The following TMEM196 variants were observed in gnomAD, a reference collection of about 807,000 sequenced individuals.
TMEM196 encodes transmembrane protein 196.
Under a neutral mutation model 20.0 loss-of-function variants are expected in TMEM196, and 17 were observed. The observed-to-expected ratio is 0.85, with a 90% confidence interval of 0.58 to 1.27. TMEM196 has a LOEUF of 1.27. Ranked by LOEUF, TMEM196 falls within the 50% of genes most tolerant of loss-of-function variation. TMEM196 has a pLI of 0.00. For missense variants in TMEM196, 267 were observed against 223.0 expected (o/e 1.20, Z -1.26); for synonymous variants, 113 against 88.9 (o/e 1.27, Z -1.52).
intron 4 of TMEM196, among the ~76,000 whole-genome samples, chr7:19,723,824 C>A (rs1480578775): frequency 1.3e-5 from 2 of 152,144 alleles, no homozygotes; most frequent in Non-Finnish European, 2.9e-5. Flanking sequence ...GATAATTTTA[C>A]AAGAAGAATC....
At chr7:19,735,317 CAAT>C (rs1784357962) in intron 1 of TMEM196, among the ~76,000 whole-genome samples, 1 of 152,060 alleles carries the variant, frequency 6.6e-6, no homozygotes, top group African/African-American at 2.4e-5. Flanking sequence ...ATAAAGTCAA[CAAT>C]AAGACTAAAT....
intron 1 of TMEM196, among the ~76,000 whole-genome samples, chr7:19,733,876 C>G (rs1211634379): frequency 6.6e-6 from 1 of 152,168 alleles, no homozygotes; most frequent in Non-Finnish European, 1.5e-5. Flanking sequence ...ACAAGGACTT[C>G]CTAAACTGAA....
Position 19,772,896 on chromosome 7 carries a change from TC to T in TMEM196, c.-201del, listed in dbSNP as rs1785948794. ...GCTGGGCCAGAGGCAAAGGAGCTGC[TC>T]CACCCCCTGGCACGTTCAGATAGGG... On this transcript the variant is annotated 5_prime_UTR_variant, in exon 1 of 5. Transcript: ENST00000405844. The T allele has an allele frequency of 4.6e-6, 2 of 435,300 alleles. No homozygotes were observed. The highest frequency in any genetic ancestry group is 7.8e-6 in the Non-Finnish European group (2 of 255,226). The allele number at this position is 435,300 out of a possible 1,614,324, so 27.0% of individuals were successfully genotyped here. A position where few individuals can be genotyped will look rare whatever the true frequency, so the allele number is the denominator to read the frequency against.
intron 2 of TMEM196, among the ~76,000 whole-genome samples, chr7:19,728,080 C>G (rs1784062448): frequency 6.6e-6 from 1 of 152,084 alleles, no homozygotes; most frequent in African/African-American, 2.4e-5. Flanking sequence ...CATTTTTTTC[C>G]TTGTAATTTA....
chr7:19,727,285 G>C (rs1308619648), intron 2 of TMEM196, among the ~76,000 whole-genome samples: 1 of 152,132 alleles, frequency 6.6e-6, no homozygotes, highest in Non-Finnish European at 1.5e-5. Context: ...AGGGATACAT[G>C]TGTTGCCCTA....
At chr7:19,756,889 A>G (rs900732726) in intron 1 of TMEM196, among the ~76,000 whole-genome samples, 2 of 152,114 alleles carry the variant, frequency 1.3e-5, no homozygotes, top group African/African-American at 4.8e-5. Context: ...GTTATGGTGA[A>G]TAGTGTAAAG....
chr7:19,724,428 A>G (rs1783919738), intron 3 of TMEM196, 75 bp from the exon 4 acceptor site: 1 of 1,376,120 alleles, frequency 7.3e-7, no homozygotes, highest in South Asian at 1.3e-5. Context: ...CTAGTATAAA[A>G]TAAAGCACAA....
At position 19,744,079 on chromosome 7, in the gene TMEM196, C is replaced by G. The variant is rs1205385648; in HGVS notation, c.148-14641G>C. Among the ~76,000 whole-genome samples the G allele has an allele frequency of 2.0e-5, 3 of 152,166 alleles. No homozygotes were observed. In the East Asian group the frequency reaches 5.8e-4, roughly 29 times the overall value. Reference sequence around the variant, plus strand: ...AGTAATGGTCTAGGTGATTTATAAACTTAAGCTAATAAAAGACCCAGGGAA... The same window carrying G: ...AGTAATGGTCTAGGTGATTTATAAAGTTAAGCTAATAAAAGACCCAGGGAA... On this transcript the variant is annotated intron_variant, in intron 1 of 4. Transcript: ENST00000405844.
At chr7:19,732,187 G>A (rs1163330131) in intron 1 of TMEM196, among the ~76,000 whole-genome samples, 1 of 152,170 alleles carries the variant, frequency 6.6e-6, no homozygotes, top group African/African-American at 2.4e-5. Context: ...GGTCCAGAGA[G>A]GTCCAGAGAG....
intron 1 of TMEM196, among the ~76,000 whole-genome samples, chr7:19,742,467 T>C (rs898454219): frequency 1.3e-5 from 2 of 152,126 alleles, no homozygotes; most frequent in Non-Finnish European, 2.9e-5. Flanking sequence ...TAATCCTGAC[T>C]TTATGACTCT....
chr7:19,751,866 C>T (rs1784975102), intron 1 of TMEM196, among the ~76,000 whole-genome samples: 1 of 152,160 alleles, frequency 6.6e-6, no homozygotes, highest in African/African-American at 2.4e-5. Flanking sequence ...GATTTTCCTA[C>T]ATCACACCAA....
intron 1 of TMEM196, among the ~76,000 whole-genome samples, chr7:19,770,100 T>A (rs919519001): frequency 2.0e-5 from 3 of 152,216 alleles, no homozygotes; most frequent in African/African-American, 7.2e-5. Context: ...ACATTGATTC[T>A]AAGTCCTGAT....
At chr7:19,730,266 A>AG (rs1003715525) in intron 1 of TMEM196, among the ~76,000 whole-genome samples, 3 of 151,934 alleles carry the variant, frequency 2.0e-5, no homozygotes, top group Admixed American at 1.3e-4. Flanking sequence ...AAAAAAGAAA[A>AG]AAAAAAAAAA....
chr7:19,735,499 G>A (rs1025365267), intron 1 of TMEM196, among the ~76,000 whole-genome samples: 1 of 152,054 alleles, frequency 6.6e-6, no homozygotes, highest in African/African-American at 2.4e-5. Flanking sequence ...ACTGGCCTAG[G>A]TGCTAGTCAA....
chr7:19,741,809 A>C (rs1217725025), intron 1 of TMEM196, among the ~76,000 whole-genome samples: 1 of 152,170 alleles, frequency 6.6e-6, no homozygotes, highest in African/African-American at 2.4e-5. Context: ...ATGATTTGCA[A>C]AATTTACCTA....
intron 1 of TMEM196, among the ~76,000 whole-genome samples, chr7:19,760,917 C>T (rs1785410231): frequency 6.6e-6 from 1 of 152,160 alleles, no homozygotes; most frequent in African/African-American, 2.4e-5. Flanking sequence ...AGCTTGTGCT[C>T]CTGGAGTCCC....
rs535524249 is a variant in TMEM196, at chr7:19,725,393, G to C, written c.459+121C>G. Reference sequence around the variant, plus strand: ...TAAAATTTCTATTCTTAACCCAATAGAGCCAAATGTATAAAATCTGATTCC... The same window carrying C: ...TAAAATTTCTATTCTTAACCCAATACAGCCAAATGTATAAAATCTGATTCC... On this transcript the variant is annotated intron_variant, in intron 3 of 4. Coordinates refer to ENST00000405844, the MANE Select transcript of TMEM196 (RefSeq NM_001363562.2). The C allele has an allele frequency of 1.8e-5, 23 of 1,311,792 alleles. 1 individual carries two copies. The South Asian group carries it at 3.6e-4, about 20-fold the overall frequency. 81.3% of individuals were successfully genotyped at this position (1,311,792 alleles called of 1,614,324 possible). A position where few individuals can be genotyped will look rare whatever the true frequency, so the allele number is the denominator to read the frequency against.
intron 1 of TMEM196, among the ~76,000 whole-genome samples, chr7:19,763,346 G>A (rs937856970): frequency 6.6e-6 from 1 of 152,010 alleles, no homozygotes; most frequent in Non-Finnish European, 1.5e-5. Context: ...TAATCCATAT[G>A]GAAAAATAAT....
intron 1 of TMEM196, among the ~76,000 whole-genome samples, chr7:19,744,117 C>G (rs1784668075): frequency 6.6e-6 from 1 of 152,076 alleles, no homozygotes; most frequent in African/African-American, 2.4e-5. Context: ...TGCTGAGTTT[C>G]TGAATTATTT....
Sources: gnomAD v4.1 joint callset for allele counts (sites outside exome capture counted in the v4.1 genomes callset) on GRCh38, gnomAD v4.1.1 for gene constraint, MANE v1.5 for transcripts, NCBI Gene and HGNC (gene_info 2026-07-23, HGNC 2026-07-21) for gene names.